GRIN2B: variants seen among roughly 807,000 people sequenced by gnomAD.
GRIN2B encodes glutamate ionotropic receptor NMDA type subunit 2B, also known as glutamate receptor ionotropic, NMDA 2B.
GRIN2B carries 5 observed loss-of-function variants against 114.5 expected under a neutral mutation model. That is an observed-to-expected ratio of 0.04 (90% CI 0.02 to 0.09). The LOEUF is 0.09. Among genes scored for constraint, GRIN2B ranks in the 10% least tolerant of loss-of-function variants. The pLI, the probability that GRIN2B is intolerant of heterozygous loss-of-function variation, is 1.00. For missense variants in GRIN2B, 1,108 were observed against 1,943.5 expected, an observed-to-expected ratio of 0.57 and a Z score of 8.08; for synonymous variants, 787 against 745.1, an observed-to-expected ratio of 1.06 and a Z score of -0.92.
At chr12:13,835,039 T>C (rs746885196) in intron 3 of GRIN2B, among the ~76,000 whole-genome samples, 3 of 152,190 alleles carry the variant, frequency 2.0e-5, no homozygotes, top group Non-Finnish European at 2.9e-5. Flanking sequence ...GCACCAGCAA[T>C]TAAAATAAGA....
chr12:13,599,754 T>G (rs527907897), intron 10 of GRIN2B, among the ~76,000 whole-genome samples: 2 of 152,346 alleles, frequency 1.3e-5, no homozygotes, highest in East Asian at 3.9e-4. Context: ...AAACAGAGAC[T>G]AGGCTGTAAA....
At chr12:13,644,021 T>C (rs1949742080) in intron 5 of GRIN2B, among the ~76,000 whole-genome samples, 1 of 152,184 alleles carries the variant, frequency 6.6e-6, no homozygotes, top group Non-Finnish European at 1.5e-5. Flanking sequence ...TTAATGTTAA[T>C]ATTTTGACCT....
chr12:13,757,059 A>C (rs1863588612), intron 3 of GRIN2B, among the ~76,000 whole-genome samples: 1 of 152,164 alleles, frequency 6.6e-6, no homozygotes, highest in South Asian at 2.1e-4. Context: ...TGTCCTCCAC[A>C]ATCTGATCCT....
At chr12:13,622,818 G>A (rs796252061) in intron 5 of GRIN2B, among the ~76,000 whole-genome samples, 6 of 152,240 alleles carry the variant, frequency 3.9e-5, no homozygotes, top group African/African-American at 1.4e-4. Flanking sequence ...CTTTGATAAT[G>A]TCATTCATTC....
At chr12:13,959,145 T>G (rs1400151365) in intron 2 of GRIN2B, among the ~76,000 whole-genome samples, 1 of 152,006 alleles carries the variant, frequency 6.6e-6, no homozygotes, top group Non-Finnish European at 1.5e-5. Context: ...TTCAGGAAAG[T>G]TTCTTAGGGG....
intron 4 of GRIN2B, among the ~76,000 whole-genome samples, chr12:13,688,708 G>C (rs1232336444): frequency 6.6e-6 from 1 of 152,146 alleles, no homozygotes; most frequent in Non-Finnish European, 1.5e-5. Flanking sequence ...ATATTTATTT[G>C]GTTTGGTTAA....
chr12:13,952,241 T>A (rs1867497005), intron 2 of GRIN2B, among the ~76,000 whole-genome samples: 1 of 152,180 alleles, frequency 6.6e-6, no homozygotes, highest in African/African-American at 2.4e-5. Context: ...CTCAACCCAA[T>A]TCTCTTTCTA....
intron 4 of GRIN2B, among the ~76,000 whole-genome samples, chr12:13,740,653 C>G (rs887161107): frequency 7.9e-5 from 12 of 152,278 alleles, no homozygotes; most frequent in South Asian, 4.1e-4. Context: ...ATGTCCCTGA[C>G]AGTATTTTCA....
At chr12:13,617,156 G>T (rs1283027073) in intron 5 of GRIN2B, among the ~76,000 whole-genome samples, 2 of 152,250 alleles carry the variant, frequency 1.3e-5, no homozygotes, top group African/African-American at 4.8e-5. Flanking sequence ...GAGCCAAAAT[G>T]ATGTGTTTTG....
Position 13,539,259 on chromosome 12 carries a change from C to T in GRIN2B, c.*23524G>A, listed in dbSNP as rs1046732580. 6.6e-6 allele frequency: 1 copy of T among 152,234 alleles called. No individual in the cohort carries two copies. The highest frequency in any genetic ancestry group is 1.5e-5 in the Non-Finnish European group (1 of 68,052). 9.4% of individuals were successfully genotyped at this position (152,234 alleles called of 1,614,324 possible). A position where few individuals can be genotyped will look rare whatever the true frequency, so the allele number is the denominator to read the frequency against. Reference sequence around the variant, plus strand: ...TAGCCAGGGCTGCCATACATGAGCTCACCCAGGCTCCTTGGCCATGAGACA... The same window carrying T: ...TAGCCAGGGCTGCCATACATGAGCTTACCCAGGCTCCTTGGCCATGAGACA... On this transcript the variant is annotated 3_prime_UTR_variant, in exon 14 of 14. Coordinates refer to ENST00000609686, the MANE Select transcript of GRIN2B (RefSeq NM_000834.5).
At chr12:13,667,764 T>C (rs1949991438) in intron 5 of GRIN2B, among the ~76,000 whole-genome samples, 1 of 152,172 alleles carries the variant, frequency 6.6e-6, no homozygotes, top group Admixed American at 6.6e-5. Context: ...TGTATTACAG[T>C]GTACACACAG....
At chr12:13,791,597 T>C (rs772826669) in intron 3 of GRIN2B, among the ~76,000 whole-genome samples, 3 of 152,202 alleles carry the variant, frequency 2.0e-5, no homozygotes, top group Non-Finnish European at 4.4e-5. Context: ...TACAATATTC[T>C]GAGTTAACCA....
intron 4 of GRIN2B, among the ~76,000 whole-genome samples, chr12:13,740,441 C>T (rs1863260761): frequency 6.6e-6 from 1 of 151,476 alleles, no homozygotes; most frequent in East Asian, 1.9e-4. Flanking sequence ...TTGTGAAGTG[C>T]AGAAAAGTGG....
rs557748194 is a variant in GRIN2B at position 13,539,163 on chromosome 12, G to C, written c.*23620C>G. On this transcript the variant is annotated 3_prime_UTR_variant, in exon 14 of 14. Transcript: ENST00000609686. ...CCTCACAGATAATCTCTCTGAGACA[G>C]TAACTTCAAAGAGATAACAATACAT... 2 of 152,312 alleles carry C rather than the reference G, an allele frequency of 1.3e-5. No individual in the cohort carries two copies. The highest frequency in any genetic ancestry group is 4.1e-4 in the South Asian group (2 of 4,826). 9.4% of individuals were successfully genotyped at this position (152,312 alleles called of 1,614,324 possible).
chr12:13,681,301 A>T (rs928989720), intron 4 of GRIN2B, among the ~76,000 whole-genome samples: 3 of 152,206 alleles, frequency 2.0e-5, no homozygotes, highest in African/African-American at 4.8e-5. Flanking sequence ...AAAGCCCAGC[A>T]GGGCTTTTGT....
intron 5 of GRIN2B, among the ~76,000 whole-genome samples, chr12:13,657,797 T>C (rs1434077473): frequency 6.6e-6 from 1 of 152,232 alleles, no homozygotes; most frequent in Non-Finnish European, 1.5e-5. Context: ...ATGGTTAGTT[T>C]ATACGATTTA....
intron 10 of GRIN2B, among the ~76,000 whole-genome samples, chr12:13,606,384 G>T (rs577796045): frequency 2.2e-4 from 33 of 152,186 alleles, no homozygotes; most frequent in African/African-American, 7.5e-4. Context: ...GAGGGGAGGT[G>T]CCAGACTCTT....
intron 2 of GRIN2B, among the ~76,000 whole-genome samples, chr12:13,905,703 C>T (rs1200565491): frequency 6.6e-6 from 1 of 152,122 alleles, no homozygotes; most frequent in Non-Finnish European, 1.5e-5. Flanking sequence ...AGACCGAGAA[C>T]CATCTCAAAC....
At position 13,557,974 on chromosome 12, in the gene GRIN2B, G is replaced by C. The variant is rs1039812710; in HGVS notation, c.*4809C>G. 2.0e-5 allele frequency: 3 copies of C among 152,178 alleles called. No homozygotes were observed. The highest frequency in any genetic ancestry group is 1.9e-4 in the East Asian group (1 of 5,192). The allele number at this position is 152,178 out of a possible 1,614,324, so 9.4% of individuals were successfully genotyped here. A position where few individuals can be genotyped will look rare whatever the true frequency, so the allele number is the denominator to read the frequency against. On this transcript the variant is annotated 3_prime_UTR_variant, in exon 14 of 14. Transcript: ENST00000609686. ...TGTGGGAAGGTGGTAGTTGCAGTGG[G>C]GTGGGAAATGAAAAAGACCTTTTCA...
Sources: gnomAD v4.1 joint callset for allele counts (sites outside exome capture counted in the v4.1 genomes callset) on GRCh38, gnomAD v4.1.1 for gene constraint, MANE v1.5 for transcripts, NCBI Gene and HGNC (gene_info 2026-07-23, HGNC 2026-07-21) for gene names.